The following EVA1C variants were observed in gnomAD, a reference collection of about 807,000 sequenced individuals.
EVA1C encodes the protein protein eva-1 homolog C.
A neutral mutation model predicts 45.4 loss-of-function variants in EVA1C; 25 were observed. That is an observed-to-expected ratio of 0.55 (90% confidence interval 0.40 to 0.77). The LOEUF (loss-of-function observed/expected upper bound fraction) is 0.77. Among genes scored for constraint, EVA1C ranks in the 30% least tolerant of loss-of-function variants. The pLI, the probability that EVA1C is intolerant of heterozygous loss-of-function variation, is 0.00. For synonymous variants in EVA1C, 190 were observed against 221.2 expected (o/e 0.86, Z 1.25); for missense variants, 479 against 554.8 (o/e 0.86, Z 1.37).
intron 7 of EVA1C, among the ~76,000 whole-genome samples, chr21:32,513,857 A>G (rs190206963): frequency 9.0e-4 from 137 of 152,200 alleles, no homozygotes; most frequent in African/African-American, 3.2e-3. Flanking sequence ...TGTATTTTAT[A>G]TTACAGTTGG....
chr21:32,507,373 T>C (rs1321028944), intron 7 of EVA1C, among the ~76,000 whole-genome samples: 3 of 151,582 alleles, frequency 2.0e-5, no homozygotes, highest in African/African-American at 7.3e-5. Flanking sequence ...TGCATGTGTG[T>C]GTGCATGTGT....
intron 3 of EVA1C, among the ~76,000 whole-genome samples, chr21:32,465,888 T>C (rs1601338974): frequency 6.6e-6 from 1 of 152,188 alleles, no homozygotes; most frequent in East Asian, 1.9e-4. Flanking sequence ...ATCCCATGAT[T>C]TTCAGTGAAT....
At chr21:32,501,539 G>C (rs750342159) in intron 6 of EVA1C, 44 bp downstream of exon 6, 1 of 1,589,678 alleles carries the variant, frequency 6.3e-7, no homozygotes, top group Admixed American at 1.7e-5. Context: ...TTAAGTAAAG[G>C]TAAACAGCCC....
At chr21:32,459,838 CAAAAAAAAAAA>C (rs35572319) in intron 3 of EVA1C, among the ~76,000 whole-genome samples, 1 of 63,184 alleles carries the variant, frequency 1.6e-5, no homozygotes, top group South Asian at 7.9e-4. Context: ...GAGACTGTCT[CAAAAAAAAAAA>C]AAAAAAAAAA....
At chr21:32,507,743 TG>T (rs1324465915) in intron 7 of EVA1C, among the ~76,000 whole-genome samples, 1 of 114,940 alleles carries the variant, frequency 8.7e-6, no homozygotes, top group Non-Finnish European at 1.7e-5. Context: ...TGTATCTGCA[TG>T]TGCATATGTG....
intron 4 of EVA1C, among the ~76,000 whole-genome samples, chr21:32,482,496 A>G (rs1371567245): frequency 6.6e-6 from 1 of 152,146 alleles, no homozygotes; most frequent in Non-Finnish European, 1.5e-5. Context: ...CTGAGACATG[A>G]GCTTCCTGCC....
intron 7 of EVA1C, among the ~76,000 whole-genome samples, chr21:32,512,075 C>G (rs375063791): frequency 1.3e-5 from 2 of 151,478 alleles, no homozygotes; most frequent in African/African-American, 4.9e-5. Context: ...TACATAGAGA[C>G]GGAAAATAAA....
chr21:32,506,641 C>T (rs1402537243), intron 7 of EVA1C, among the ~76,000 whole-genome samples: 3 of 152,034 alleles, frequency 2.0e-5, no homozygotes, highest in Non-Finnish European at 2.9e-5. Flanking sequence ...GTGTCTATGT[C>T]GCTGTCTGGG....
At chr21:32,436,576 C>T (rs908511826) in intron 1 of EVA1C, among the ~76,000 whole-genome samples, 8 of 152,290 alleles carry the variant, frequency 5.3e-5, no homozygotes, top group Admixed American at 2.6e-4. Flanking sequence ...TTGTTTGTTC[C>T]TGTTTCTTAG....
At chr21:32,421,064 AT>A (rs2034249815) in intron 1 of EVA1C, among the ~76,000 whole-genome samples, 2 of 152,324 alleles carry the variant, frequency 1.3e-5, no homozygotes, top group East Asian at 3.9e-4. Flanking sequence ...TGGGTCTGTA[AT>A]TTGTTTCTGG....
At chr21:32,445,224 A>G (rs2035321929) in intron 1 of EVA1C, among the ~76,000 whole-genome samples, 1 of 152,236 alleles carries the variant, frequency 6.6e-6, no homozygotes, top group Non-Finnish European at 1.5e-5. Flanking sequence ...GCAATTTTAC[A>G]TAAGATAACG....
chr21:32,496,997 C>T, intron 5 of EVA1C: 1 of 1,445,516 alleles, frequency 6.9e-7, no homozygotes, highest in Middle Eastern at 1.8e-4. Context: ...TTTGTGGTTG[C>T]TAATAAAGAC....
intron 5 of EVA1C, among the ~76,000 whole-genome samples, chr21:32,499,969 C>T (rs1342885847): frequency 3.3e-5 from 5 of 152,176 alleles, no homozygotes; most frequent in African/African-American, 7.2e-5. Context: ...GCCATCCTCT[C>T]TGCATCTTTC....
intron 1 of EVA1C, among the ~76,000 whole-genome samples, chr21:32,419,532 T>G (rs2034179887): frequency 6.6e-6 from 1 of 152,086 alleles, no homozygotes; most frequent in Non-Finnish European, 1.5e-5. Flanking sequence ...CTGGCCAAAA[T>G]GGTGAAACCC....
chr21:32,475,879 TTATCTATCTATCTATCTATC>T (rs10661334), intron 4 of EVA1C, among the ~76,000 whole-genome samples: 3 of 100,484 alleles, frequency 3.0e-5, no homozygotes, highest in Non-Finnish European at 4.0e-5. Flanking sequence ...TCTAAAAACT[TTATCTATCTATCTATCTATC>T]TATCTATCTA....
chr21:32,454,690 T>C (rs1412317982), intron 2 of EVA1C, among the ~76,000 whole-genome samples: 1 of 152,136 alleles, frequency 6.6e-6, no homozygotes, highest in Non-Finnish European at 1.5e-5. Flanking sequence ...CTGTTTGATT[T>C]TGTCGACCGT....
intron 1 of EVA1C, among the ~76,000 whole-genome samples, chr21:32,442,981 G>A (rs1010635075): frequency 4.2e-5 from 6 of 142,470 alleles, no homozygotes; most frequent in Non-Finnish European, 7.6e-5. Context: ...AGAAGGGAAG[G>A]AAGGGAGGGA....
intron 1 of EVA1C, chr21:32,428,642 A>T (rs984486537): frequency 6.6e-6 from 1 of 152,214 alleles, no homozygotes; most frequent in South Asian, 2.1e-4. Flanking sequence ...TCTACTCTCC[A>T]CTATTTGTCT....
chr21:32,467,247 C>CAA (rs2036207285), intron 3 of EVA1C, among the ~76,000 whole-genome samples: 1 of 152,146 alleles, frequency 6.6e-6, no homozygotes, highest in African/African-American at 2.4e-5. Flanking sequence ...GGGCTCTCTC[C>CAA]AGAGAGAGAA....
Sources: allele counts gnomAD v4.1 joint callset (sites outside exome capture counted in the v4.1 genomes callset), GRCh38; gene constraint gnomAD v4.1.1; transcripts MANE v1.5; gene names NCBI Gene and HGNC (gene_info 2026-07-23, HGNC 2026-07-21).